CADM2: variants seen among roughly 807,000 people sequenced by gnomAD.
CADM2 encodes cell adhesion molecule 2.
Under a neutral mutation model 49.8 loss-of-function variants are expected in CADM2, and 12 were observed. That is an observed-to-expected ratio of 0.24 (90% CI 0.15 to 0.39). The LOEUF is 0.39. Among genes scored for constraint, CADM2 ranks in the 10% least tolerant of loss-of-function variants. CADM2 has a pLI of 1.00. For missense variants in CADM2, 378 were observed against 492.3 expected (o/e 0.77, Z 2.20); for synonymous variants, 214 against 175.4 (o/e 1.22, Z -1.74).
chr3:85,603,628 C>T (rs1012079187), intron 1 of CADM2, among the ~76,000 whole-genome samples: 2 of 151,822 alleles, frequency 1.3e-5, no homozygotes, highest in Non-Finnish European at 2.9e-5. Context: ...CACCTGTCTC[C>T]CAGGCAGATC....
At chr3:85,716,382 T>C (rs1171129242) in intron 1 of CADM2, among the ~76,000 whole-genome samples, 1 of 152,212 alleles carries the variant, frequency 6.6e-6, no homozygotes, top group Non-Finnish European at 1.5e-5. Context: ...TTACTTAAGT[T>C]CCTTGTAGAT....
chr3:85,892,297 G>A (rs1391820345), intron 5 of CADM2, among the ~76,000 whole-genome samples: 1 of 152,188 alleles, frequency 6.6e-6, no homozygotes, highest in African/African-American at 2.4e-5. Context: ...GTGCCTAAAT[G>A]ACTTGGATAA....
intron 1 of CADM2, among the ~76,000 whole-genome samples, chr3:85,517,707 A>T (rs2060937764): frequency 6.6e-6 from 1 of 152,224 alleles, no homozygotes; most frequent in Non-Finnish European, 1.5e-5. Context: ...TTAAAAATAT[A>T]TGAAGACAAC....
At chr3:85,634,187 A>T (rs1170818399) in intron 1 of CADM2, among the ~76,000 whole-genome samples, 2 of 152,026 alleles carry the variant, frequency 1.3e-5, no homozygotes, top group Non-Finnish European at 2.9e-5. Flanking sequence ...GTATAAACTC[A>T]GCTATTTTCA....
chr3:85,969,631 T>G (rs1054522800), intron 8 of CADM2, among the ~76,000 whole-genome samples: 6 of 151,266 alleles, frequency 4.0e-5, no homozygotes, highest in Non-Finnish European at 8.9e-5. Context: ...TATATACATA[T>G]GTATATATAT....
chr3:85,809,992 T>C (rs935860568), intron 3 of CADM2, among the ~76,000 whole-genome samples: 1 of 151,824 alleles, frequency 6.6e-6, no homozygotes, highest in African/African-American at 2.4e-5. Flanking sequence ...AAATGGTACA[T>C]TGCAGTTAAA....
chr3:86,001,234 G>T (rs1303166805), intron 8 of CADM2, among the ~76,000 whole-genome samples: 1 of 152,080 alleles, frequency 6.6e-6, no homozygotes, highest in Non-Finnish European at 1.5e-5. Flanking sequence ...TGTTGAGTTC[G>T]TTGGGTATTT....
At chr3:85,930,646 C>T (rs1165168953) in intron 6 of CADM2, among the ~76,000 whole-genome samples, 1 of 152,006 alleles carries the variant, frequency 6.6e-6, no homozygotes, top group Non-Finnish European at 1.5e-5. Context: ...CTTCTACTCT[C>T]TATGATTACG....
intron 1 of CADM2, among the ~76,000 whole-genome samples, chr3:85,591,266 A>T (rs187370752): frequency 6.6e-6 from 1 of 152,096 alleles, no homozygotes; most frequent in African/African-American, 2.4e-5. Context: ...TGTGAAAATT[A>T]AAAAGAATTG....
At chr3:86,004,007 T>C (rs1242810895) in intron 8 of CADM2, among the ~76,000 whole-genome samples, 1 of 152,038 alleles carries the variant, frequency 6.6e-6, no homozygotes, top group Non-Finnish European at 1.5e-5. Context: ...CCAAATAAAG[T>C]CTGGGCCACA....
intron 2 of CADM2, among the ~76,000 whole-genome samples, chr3:85,759,585 A>G (rs933725203): frequency 2.8e-4 from 43 of 152,114 alleles, no homozygotes; most frequent in African/African-American, 1.0e-3. Context: ...ATAGGTAAGA[A>G]AGGAAAGGGG....
chr3:85,571,905 A>G (rs536730375), intron 1 of CADM2, among the ~76,000 whole-genome samples: 4 of 152,326 alleles, frequency 2.6e-5, no homozygotes, highest in African/African-American at 9.6e-5. Flanking sequence ...CATGGTATAC[A>G]ATGTGCTTTG....
chr3:85,253,964 ATAT>A (rs1324123764), intron 1 of CADM2, among the ~76,000 whole-genome samples: 1 of 152,014 alleles, frequency 6.6e-6, no homozygotes, highest in Non-Finnish European at 1.5e-5. Flanking sequence ...TTCAGTTCTG[ATAT>A]TATCTATTTG....
intron 8 of CADM2, among the ~76,000 whole-genome samples, chr3:86,041,967 C>T (rs541997257): frequency 6.6e-6 from 1 of 152,266 alleles, no homozygotes; most frequent in East Asian, 1.9e-4. Context: ...ACAACCTGCT[C>T]CTGAATGACT....
intron 3 of CADM2, among the ~76,000 whole-genome samples, chr3:85,809,105 A>G (rs147441741): frequency 6.6e-6 from 1 of 152,320 alleles, no homozygotes; most frequent in Admixed American, 6.5e-5. Context: ...TATCTGTACA[A>G]TAAAAATGTG....
chr3:85,766,672 G>A (rs963772035), intron 2 of CADM2, among the ~76,000 whole-genome samples: 1 of 152,128 alleles, frequency 6.6e-6, no homozygotes, highest in Non-Finnish European at 1.5e-5. Flanking sequence ...AGTTATGTTG[G>A]TCTTGTAGTT....
chr3:85,567,783 C>G (rs1386624807), intron 1 of CADM2, among the ~76,000 whole-genome samples: 1 of 152,212 alleles, frequency 6.6e-6, no homozygotes, highest in Non-Finnish European at 1.5e-5. Flanking sequence ...TAGCATGACT[C>G]TGTCCAAATT....
At chr3:85,714,089 A>G (rs1181366887) in intron 1 of CADM2, among the ~76,000 whole-genome samples, 8 of 152,228 alleles carry the variant, frequency 5.3e-5, no homozygotes, top group Non-Finnish European at 2.9e-5. Context: ...TTGCCTTGCC[A>G]GCTACACTAA....
At chr3:85,821,687 T>C (rs539266017) in intron 3 of CADM2, among the ~76,000 whole-genome samples, 29 of 152,136 alleles carry the variant, frequency 1.9e-4, no homozygotes, top group African/African-American at 7.0e-4. Context: ...GCAATGGTGA[T>C]CATGACAAAC....
Sources: allele counts gnomAD v4.1 joint callset (sites outside exome capture counted in the v4.1 genomes callset), GRCh38; gene constraint gnomAD v4.1.1; transcripts MANE v1.5; gene names NCBI Gene and HGNC (gene_info 2026-07-23, HGNC 2026-07-21).